Variants in FGF13 observed in about 807,000 individuals in gnomAD.
FGF13 encodes the protein fibroblast growth factor 13.
In FGF13, 2 loss-of-function variants were observed where a neutral mutation model predicts 19.5. That is an observed-to-expected ratio of 0.10 (90% confidence interval 0.04 to 0.32). FGF13 has a LOEUF of 0.32. Among genes scored for constraint, FGF13 ranks in the 10% least tolerant of loss-of-function variants. FGF13 has a pLI of 1.00. For missense variants in FGF13, 113 were observed against 192.7 expected, an observed-to-expected ratio of 0.59 and a Z score of 2.45; for synonymous variants, 72 against 76.9, an observed-to-expected ratio of 0.94 and a Z score of 0.33.
intron 1 of FGF13, among the ~76,000 whole-genome samples, chrX:138,973,623 T>C (rs1362238713): frequency 8.9e-6 from 1 of 111,976 alleles, no homozygotes; most frequent in Non-Finnish European, 1.9e-5. Context: ...TATTGCAGTC[T>C]ATCTTCCCTT....
intron 3 of FGF13, among the ~76,000 whole-genome samples, chrX:138,821,341 A>G (rs2090998413): frequency 8.9e-6 from 1 of 112,176 alleles, no homozygotes; most frequent in Non-Finnish European, 1.9e-5. Flanking sequence ...TAAAATTTTA[A>G]TAAACTTTTA....
chrX:138,862,400 G>A (rs1365813168), intron 2 of FGF13, among the ~76,000 whole-genome samples: 1 of 112,188 alleles, frequency 8.9e-6, no homozygotes, highest in Non-Finnish European at 1.9e-5. Context: ...AGACAGCAAT[G>A]GGACTACCAA....
At chrX:138,979,537 T>C (rs1256845432) in intron 1 of FGF13, among the ~76,000 whole-genome samples, 3 of 110,694 alleles carry the variant, frequency 2.7e-5, no homozygotes, top group African/African-American at 9.9e-5. Context: ...TATTCCTTTT[T>C]TTTTCCATTT....
intron 3 of FGF13, among the ~76,000 whole-genome samples, chrX:138,755,562 A>G (rs2090426574): frequency 8.9e-6 from 1 of 112,835 alleles, no homozygotes; most frequent in African/African-American, 3.2e-5. Flanking sequence ...ATTAAATAAC[A>G]AATACATGAA....
intron 1 of FGF13, among the ~76,000 whole-genome samples, chrX:138,867,671 T>C (rs1302061677): frequency 9.0e-6 from 1 of 111,523 alleles, no homozygotes; most frequent in Non-Finnish European, 1.9e-5. Flanking sequence ...ACTACCCCCA[T>C]GATTCAATTA....
chrX:139,085,770 A>G (rs777284715), intron 1 of FGF13, among the ~76,000 whole-genome samples: 2 of 112,447 alleles, frequency 1.8e-5, no homozygotes, highest in African/African-American at 3.2e-5. Flanking sequence ...TCTACATACA[A>G]TAGACTACTA....
At chrX:138,901,527 T>C (rs2091531511) in intron 1 of FGF13, among the ~76,000 whole-genome samples, 1 of 111,897 alleles carries the variant, frequency 8.9e-6, no homozygotes. Context: ...ACAGGAGCTA[T>C]TGATATGGTC....
At chrX:139,181,034 A>T (rs2084234032) in intron 1 of FGF13, among the ~76,000 whole-genome samples, 1 of 112,433 alleles carries the variant, frequency 8.9e-6, no homozygotes, top group Non-Finnish European at 1.9e-5. Flanking sequence ...AAGTAGTATC[A>T]GAAAGACAAA....
At chrX:138,954,006 G>A (rs2091828454) in intron 1 of FGF13, among the ~76,000 whole-genome samples, 1 of 110,346 alleles carries the variant, frequency 9.1e-6, no homozygotes, top group African/African-American at 3.3e-5. Context: ...TGTTAGGGAT[G>A]TGATGTGTGT....
At chrX:138,696,833 C>T (rs921226748) in intron 3 of FGF13, among the ~76,000 whole-genome samples, 2 of 112,098 alleles carry the variant, frequency 1.8e-5, no homozygotes, top group Non-Finnish European at 3.8e-5. Context: ...TTTCCCTATT[C>T]ATCAGCAAAA....
At chrX:138,882,193 C>T (rs1202316152) in intron 1 of FGF13, among the ~76,000 whole-genome samples, 1 of 110,453 alleles carries the variant, frequency 9.1e-6, no homozygotes, top group African/African-American at 3.3e-5. Context: ...TTCCAGGTTT[C>T]CTTCTATTAT....
chrX:138,893,711 G>A (rs996316024), intron 1 of FGF13, among the ~76,000 whole-genome samples: 1 of 111,867 alleles, frequency 8.9e-6, no homozygotes, highest in African/African-American at 3.3e-5. Flanking sequence ...GGTGGATAAC[G>A]TGAAATAAGT....
chrX:138,798,982 T>C (rs1253179262), intron 3 of FGF13, among the ~76,000 whole-genome samples: 1 of 110,923 alleles, frequency 9.0e-6, no homozygotes, highest in East Asian at 2.8e-4. Flanking sequence ...TAGCGGTCCA[T>C]CTATTTTGTT....
At chrX:138,861,958 GCA>G (rs1457928659) in intron 2 of FGF13, among the ~76,000 whole-genome samples, 1 of 111,836 alleles carries the variant, frequency 8.9e-6, no homozygotes, top group Non-Finnish European at 1.9e-5. Context: ...AGCCAAGATG[GCA>G]CCACTACACA....
At chrX:139,113,408 C>T (rs1203507827) in intron 1 of FGF13, among the ~76,000 whole-genome samples, 3 of 112,000 alleles carry the variant, frequency 2.7e-5, no homozygotes, top group Non-Finnish European at 5.6e-5. Context: ...CCTATGACCT[C>T]TTGGCTACAG....
intron 4 of FGF13, 40 bp from the exon 5 acceptor site, chrX:138,633,026 G>A (rs760657862): frequency 8.5e-7 from 1 of 1,175,349 alleles, no homozygotes; most frequent in Non-Finnish European, 1.1e-6. Flanking sequence ...GCCTTCAAAT[G>A]GGCATACCAA....
At chrX:139,174,172 A>G (rs1395313935) in intron 1 of FGF13, among the ~76,000 whole-genome samples, 1 of 112,435 alleles carries the variant, frequency 8.9e-6, no homozygotes, top group African/African-American at 3.2e-5. Flanking sequence ...ACTTTCTTTC[A>G]TATGTTTGTT....
chrX:139,084,542 C>G (rs774514417), intron 1 of FGF13, among the ~76,000 whole-genome samples: 1 of 111,561 alleles, frequency 9.0e-6, no homozygotes, highest in Non-Finnish European at 1.9e-5. Flanking sequence ...AGTGGAGCCG[C>G]GAAGCATCAA....
At chrX:138,909,674 GT>G (rs2091577186) in intron 1 of FGF13, among the ~76,000 whole-genome samples, 1 of 112,017 alleles carries the variant, frequency 8.9e-6, no homozygotes, top group Non-Finnish European at 1.9e-5. Context: ...ACTAATTAGT[GT>G]GTACAACTCT....
Sources: gnomAD v4.1 joint callset for allele counts (sites outside exome capture counted in the v4.1 genomes callset) on GRCh38, gnomAD v4.1.1 for gene constraint, MANE v1.5 for transcripts, NCBI Gene and HGNC (gene_info 2026-07-23, HGNC 2026-07-21) for gene names.